KCNN2: variants seen among roughly 807,000 people sequenced by gnomAD.
KCNN2 encodes small conductance calcium-activated potassium channel protein 2.
KCNN2 carries 24 observed loss-of-function variants against 55.5 expected under a neutral mutation model. The ratio of observed to expected loss-of-function variants is 0.43; its 90% CI spans 0.31 to 0.61. The LOEUF (loss-of-function observed/expected upper bound fraction) is 0.61. Ranked by LOEUF, KCNN2 falls within the 20% of genes least tolerant of loss-of-function variation. The probability of loss-of-function intolerance (pLI) is 0.08; values close to 1 mark genes in which losing one functional copy is unlikely to be tolerated. For synonymous variants in KCNN2, 431 were observed against 336.1 expected, an observed-to-expected ratio of 1.28 and a Z score of -3.09; for missense variants, 754 against 853.6, an observed-to-expected ratio of 0.88 and a Z score of 1.45.
intron 1 of KCNN2, among the ~76,000 whole-genome samples, chr5:114,209,992 G>C (rs923683896): frequency 6.6e-6 from 1 of 152,050 alleles, no homozygotes; most frequent in East Asian, 1.9e-4. Context: ...CAAAAAATTT[G>C]AGTTGCCTCA....
chr5:114,344,728 G>C (rs1386606287), intron 2 of KCNN2, among the ~76,000 whole-genome samples: 1 of 152,202 alleles, frequency 6.6e-6, no homozygotes, highest in African/African-American at 2.4e-5. Flanking sequence ...AGCGTTTAGA[G>C]GTTACCTCCC....
intron 1 of KCNN2, among the ~76,000 whole-genome samples, chr5:114,072,705 C>T (rs759942998): frequency 1.1e-4 from 17 of 152,094 alleles, no homozygotes; most frequent in South Asian, 4.2e-4. Context: ...GCAACTAAAC[C>T]GCTTGGGTTC....
chr5:114,140,871 C>G (rs1404169576), intron 1 of KCNN2, among the ~76,000 whole-genome samples: 14 of 151,298 alleles, frequency 9.3e-5, no homozygotes, highest in Admixed American at 7.9e-4. Flanking sequence ...TCACTGCAAC[C>G]TCCACCTCCC....
chr5:114,483,273 CTTTT>C (rs34472228), intron 5 of KCNN2, among the ~76,000 whole-genome samples: 17 of 108,032 alleles, frequency 1.6e-4, no homozygotes, highest in Admixed American at 2.0e-4. Flanking sequence ...TTCTTTCTTT[CTTTT>C]TTTTTTTTTT....
intron 2 of KCNN2, among the ~76,000 whole-genome samples, chr5:114,397,058 T>A (rs1023323450): frequency 1.3e-5 from 2 of 152,224 alleles, no homozygotes; most frequent in African/African-American, 4.8e-5. Context: ...TATGATCTCA[T>A]TCTTTTTATG....
chr5:114,415,154 TC>T (rs2150077139), intron 3 of KCNN2, among the ~76,000 whole-genome samples: 1 of 152,374 alleles, frequency 6.6e-6, no homozygotes, highest in Non-Finnish European at 1.5e-5. Flanking sequence ...TGAAGTTTGT[TC>T]CTTTTTATTG....
At chr5:114,136,868 A>G (rs1011444350) in intron 1 of KCNN2, among the ~76,000 whole-genome samples, 2 of 152,138 alleles carry the variant, frequency 1.3e-5, no homozygotes, top group African/African-American at 4.8e-5. Context: ...AGTTTGCTTT[A>G]TATGTTTTCT....
intron 2 of KCNN2, among the ~76,000 whole-genome samples, chr5:114,376,090 A>T (rs77024554): frequency 9.3e-5 from 14 of 150,984 alleles, no homozygotes; most frequent in Non-Finnish European, 1.9e-4. Flanking sequence ...TCATCTCCCA[A>T]TGTGTCCTTT....
chr5:114,446,183 T>C lies in KCNN2; in HGVS notation c.1638-16866T>C, dbSNP rs1760400177. ...TAAAGTATTCGACTTATTTTCCTTGTCCAAGAAGCATCACAACAAAATAAC... is the reference window on the plus strand; with the variant it reads ...TAAAGTATTCGACTTATTTTCCTTGCCCAAGAAGCATCACAACAAAATAAC... On this transcript the variant is annotated intron_variant, in intron 3 of 7. Transcript: ENST00000673685. Among the ~76,000 whole-genome samples the C allele has an allele frequency of 2.6e-5, 4 of 152,172 alleles. No homozygotes were observed. In the South Asian group the frequency reaches 8.3e-4, roughly 32 times the overall value.
intron 2 of KCNN2, among the ~76,000 whole-genome samples, chr5:114,324,628 AT>A (rs1425277145): frequency 6.6e-6 from 1 of 152,204 alleles, no homozygotes; most frequent in Non-Finnish European, 1.5e-5. Context: ...GACTTTTACT[AT>A]AAGAAAGTAA....
chr5:114,153,074 G>A (rs1481154754), intron 1 of KCNN2, among the ~76,000 whole-genome samples: 3 of 152,160 alleles, frequency 2.0e-5, no homozygotes, highest in South Asian at 2.1e-4. Context: ...ACTAAAACAC[G>A]TGTTGGCAGC....
chr5:114,273,024 C>T lies in KCNN2; in HGVS notation c.-185+51459C>T, dbSNP rs547010470. ...GCATTTCTCCTCATGATATCTCTCC[C>T]CTAGCCCAACACCCCCCACAGGCCC... On this transcript the variant is annotated intron_variant, in intron 2 of 10. Coordinates refer to the KCNN2 transcript ENST00000512097. Among the ~76,000 whole-genome samples the T allele has an allele frequency of 1.7e-4, 26 of 152,228 alleles. No individual in the cohort carries two copies. The South Asian group carries it at 3.7e-3, about 22-fold the overall frequency.
At chr5:114,161,146 T>C (rs184138716) in intron 1 of KCNN2, among the ~76,000 whole-genome samples, 30 of 152,276 alleles carry the variant, frequency 2.0e-4, no homozygotes, top group African/African-American at 7.0e-4. Flanking sequence ...CTGGTACTGG[T>C]TTTTCCTTTC....
chr5:114,191,106 C>T (rs17429202), intron 1 of KCNN2, among the ~76,000 whole-genome samples: 1 of 152,128 alleles, frequency 6.6e-6, no homozygotes, highest in African/African-American at 2.4e-5. Context: ...ATGTAAAGAA[C>T]TTAGAATACC....
intron 3 of KCNN2, among the ~76,000 whole-genome samples, chr5:114,436,414 G>A (rs941332570): frequency 2.0e-5 from 3 of 152,012 alleles, no homozygotes; most frequent in Admixed American, 6.6e-5. Context: ...TTAAATGATC[G>A]TAAAATTAGA....
chr5:114,363,170 A>G lies in KCNN2; in HGVS notation c.1031A>G (p.Lys344Arg). The stretch of plus-strand genomic sequence containing the variant: ...CGGCGCGCCCTGTTCGAAAAGCGCA[A>G]GCGGCTCAGCGACTACGCGCTCATC... ...GHRRALFEKR[K>R]RLSDYALIFG... The change falls in exon 1 of 8, where the codon AAG becomes AGG. Residue 344 changes from lysine to arginine, a missense_variant. Transcript: ENST00000673685. 1.2e-6 allele frequency: 2 copies of G among 1,613,472 alleles called. No homozygotes were observed. Among genetic ancestry groups the G allele is most frequent in the Non-Finnish European group, 1.7e-6 (2 of 1,180,014 alleles).
At chr5:114,372,123 C>T (rs998219795) in intron 2 of KCNN2, among the ~76,000 whole-genome samples, 11 of 152,264 alleles carry the variant, frequency 7.2e-5, no homozygotes, top group Non-Finnish European at 1.3e-4. Flanking sequence ...TGTGGATGAT[C>T]TATGGAATTG....
chr5:114,413,793 C>T (rs1345461617), intron 3 of KCNN2, among the ~76,000 whole-genome samples: 3 of 152,164 alleles, frequency 2.0e-5, no homozygotes, highest in Non-Finnish European at 1.5e-5. Flanking sequence ...TTATGGTCCT[C>T]CTCATCCTGT....
chr5:114,363,366 C>T, intron 1 of KCNN2, 105 bp downstream of exon 1: 1 of 1,353,544 alleles, frequency 7.4e-7, no homozygotes, highest in Non-Finnish European at 9.8e-7. Context: ...CTCTCCGGGA[C>T]GATCAAGGGA....
Sources: allele counts gnomAD v4.1 joint callset (sites outside exome capture counted in the v4.1 genomes callset), GRCh38; gene constraint gnomAD v4.1.1; transcripts MANE v1.5; gene names NCBI Gene and HGNC (gene_info 2026-07-23, HGNC 2026-07-21).